Variants in FAM135B observed in about 807,000 individuals in gnomAD.
FAM135B encodes the protein family with sequence similarity 135 member B, also known as protein FAM135B.
A neutral mutation model predicts 127.7 loss-of-function variants in FAM135B; 43 were observed. The ratio of observed to expected loss-of-function variants is 0.34; its 90% confidence interval spans 0.26 to 0.43. The LOEUF is 0.43. FAM135B is among the 20% of genes least tolerant of loss of function. The pLI is 1.00. For synonymous variants in FAM135B, 670 were observed against 665.1 expected, an observed-to-expected ratio of 1.01 and a Z score of -0.11; for missense variants, 1,558 against 1,725.6, an observed-to-expected ratio of 0.90 and a Z score of 1.72.
intron 1 of FAM135B, among the ~76,000 whole-genome samples, chr8:138,394,579 CTACCT>C (rs1479893712): frequency 2.0e-5 from 3 of 152,224 alleles, no homozygotes; most frequent in African/African-American, 7.2e-5. Flanking sequence ...ACCAGTTATT[CTACCT>C]GTGGTGGTCT....
At chr8:138,309,858 CTTTTTTTT>C (rs145453026) in intron 3 of FAM135B, among the ~76,000 whole-genome samples, 4 of 86,782 alleles carry the variant, frequency 4.6e-5, no homozygotes, top group African/African-American at 4.4e-5. Flanking sequence ...AGTCTTTCTA[CTTTTTTTT>C]TTTTTTTTTT....
chr8:138,445,018 T>A (rs919035128), intron 1 of FAM135B, among the ~76,000 whole-genome samples: 18 of 152,170 alleles, frequency 1.2e-4, no homozygotes, highest in Non-Finnish European at 1.5e-4. Context: ...GAGAATACTA[T>A]AAACACCTCT....
intron 7 of FAM135B, among the ~76,000 whole-genome samples, chr8:138,235,491 A>C (rs1376768145): frequency 6.6e-6 from 1 of 152,248 alleles, no homozygotes; most frequent in Non-Finnish European, 1.5e-5. Flanking sequence ...CTACATCCTC[A>C]TGAAAAGAAT....
chr8:138,274,137 C>T (rs73439052), intron 3 of FAM135B, among the ~76,000 whole-genome samples: 3,575 of 152,262 alleles, frequency 0.023, 93 homozygotes, highest in East Asian at 0.08. Flanking sequence ...TCCTCTTTTC[C>T]ACTCACTTCC....
intron 1 of FAM135B, among the ~76,000 whole-genome samples, chr8:138,399,389 G>A (rs866666620): frequency 6.6e-6 from 1 of 152,144 alleles, no homozygotes; most frequent in Non-Finnish European, 1.5e-5. Flanking sequence ...CTAGAATAGA[G>A]AGTGAGCTCT....
chr8:138,445,488 G>T (rs1836085394), intron 1 of FAM135B, among the ~76,000 whole-genome samples: 1 of 152,140 alleles, frequency 6.6e-6, no homozygotes, highest in Non-Finnish European at 1.5e-5. Flanking sequence ...GGGATGCAAG[G>T]CTGGTTCAAT....
At chr8:138,330,550 C>T (rs961215854) in intron 2 of FAM135B, among the ~76,000 whole-genome samples, 4 of 152,128 alleles carry the variant, frequency 2.6e-5, no homozygotes, top group Non-Finnish European at 4.4e-5. Flanking sequence ...GTGCTGCCGC[C>T]GAGTCCAGGA....
At chr8:138,167,264 C>T (rs554875584) in intron 12 of FAM135B, among the ~76,000 whole-genome samples, 4 of 152,250 alleles carry the variant, frequency 2.6e-5, no homozygotes, top group South Asian at 4.1e-4. Flanking sequence ...GGCGAGATCT[C>T]GGTTCACTGC....
At chr8:138,158,321 A>C (rs1006852715) in intron 12 of FAM135B, among the ~76,000 whole-genome samples, 1 of 152,236 alleles carries the variant, frequency 6.6e-6, no homozygotes, top group African/African-American at 2.4e-5. Flanking sequence ...TAAAGACTTA[A>C]ATGTTAGACC....
chr8:138,188,138 C>T (rs1815755373), intron 9 of FAM135B, among the ~76,000 whole-genome samples: 1 of 152,176 alleles, frequency 6.6e-6, no homozygotes. Flanking sequence ...TTGCAAACCT[C>T]GCCCTGTGGA....
intron 12 of FAM135B, among the ~76,000 whole-genome samples, chr8:138,163,612 CT>C (rs1445636239): frequency 6.6e-6 from 1 of 152,164 alleles, no homozygotes. Flanking sequence ...CTCATTCTCT[CT>C]TTGCCTGCTG....
chr8:138,433,102 T>C (rs538696834), intron 1 of FAM135B, among the ~76,000 whole-genome samples: 7 of 152,206 alleles, frequency 4.6e-5, no homozygotes, highest in Non-Finnish European at 1.0e-4. Flanking sequence ...AAAGTCATAA[T>C]AAAATTAGAT....
intron 3 of FAM135B, among the ~76,000 whole-genome samples, chr8:138,300,907 C>T (rs867405641): frequency 6.6e-6 from 1 of 151,986 alleles, no homozygotes; most frequent in Non-Finnish European, 1.5e-5. Flanking sequence ...TGCACCAACA[C>T]GCCCAGCTAA....
intron 1 of FAM135B, among the ~76,000 whole-genome samples, chr8:138,394,140 A>G (rs559612487): frequency 2.0e-5 from 3 of 152,208 alleles, no homozygotes; most frequent in Non-Finnish European, 4.4e-5. Flanking sequence ...AGAAGAAGAC[A>G]GATCACTAAT....
intron 3 of FAM135B, among the ~76,000 whole-genome samples, chr8:138,279,430 T>A (rs1446759866): frequency 6.6e-6 from 1 of 152,194 alleles, no homozygotes; most frequent in African/African-American, 2.4e-5. Flanking sequence ...ACCTCAAAAG[T>A]CTGCCTGTTT....
chr8:138,445,805 A>G (rs1238943859), intron 1 of FAM135B, among the ~76,000 whole-genome samples: 2 of 152,102 alleles, frequency 1.3e-5, no homozygotes, highest in Non-Finnish European at 2.9e-5. Context: ...TCTGGCCAGG[A>G]CAATCAGGCA....
In FAM135B at chr8:138,150,821, TAGAA is replaced by T. The variant is rs201114113; in HGVS notation, c.3281+369_3281+372del. Among the ~76,000 whole-genome samples the T allele has an allele frequency of 4.1e-3, 627 of 152,266 alleles. 7 individuals carry two copies. The highest frequency in any genetic ancestry group is 0.014 in the African/African-American group (592 of 41,576). ...TGATGCAAACATAGATTTATAAACA[TAGAA>T]AGATATTTCTAATATATTATTAAAT... is the stretch of plus-strand genomic sequence containing the variant. On this transcript the variant is annotated intron_variant, in intron 13 of 19. Coordinates refer to ENST00000395297, the MANE Select transcript of FAM135B (RefSeq NM_015912.4).
chr8:138,482,389 T>C (rs1480499983), intron 1 of FAM135B, among the ~76,000 whole-genome samples: 2 of 152,138 alleles, frequency 1.3e-5, no homozygotes, highest in Non-Finnish European at 2.9e-5. Flanking sequence ...CCTACCAGGG[T>C]TGACTTTATG....
chr8:138,465,776 C>A (rs1837349030), intron 1 of FAM135B, among the ~76,000 whole-genome samples: 1 of 138,838 alleles, frequency 7.2e-6, no homozygotes, highest in African/African-American at 2.5e-5. Context: ...GTGCAAGTTT[C>A]ACCTGATTTT....
Sources: allele counts gnomAD v4.1 joint callset (sites outside exome capture counted in the v4.1 genomes callset), GRCh38; gene constraint gnomAD v4.1.1; transcripts MANE v1.5; gene names NCBI Gene and HGNC (gene_info 2026-07-23, HGNC 2026-07-21).